Variants in SGCD observed in about 807,000 individuals in gnomAD.
The protein encoded by SGCD is sarcoglycan delta, also known as delta-sarcoglycan.
SGCD carries 18 observed loss-of-function variants against 36.6 expected under a neutral mutation model. That is an observed-to-expected ratio of 0.49 (90% confidence interval 0.34 to 0.73). SGCD has a LOEUF of 0.73. SGCD is among the 30% of genes least tolerant of loss of function. SGCD has a pLI of 0.01. For missense variants in SGCD, 387 were observed against 346.7 expected, an observed-to-expected ratio of 1.12 and a Z score of -0.92; for synonymous variants, 133 against 130.6, an observed-to-expected ratio of 1.02 and a Z score of -0.12.
intron 4 of SGCD, among the ~76,000 whole-genome samples, chr5:156,583,225 C>T (rs1760355120): frequency 6.6e-6 from 1 of 152,152 alleles, no homozygotes; most frequent in Admixed American, 6.5e-5. Context: ...AGGCATTTCA[C>T]ACTTAACATT....
chr5:156,724,975 TTC>T (rs1755700031), intron 7 of SGCD, among the ~76,000 whole-genome samples: 1 of 152,254 alleles, frequency 6.6e-6, no homozygotes, highest in Non-Finnish European at 1.5e-5. Context: ...ATGCTCATTT[TTC>T]TGAGGTTTCA....
chr5:156,664,028 G>C (rs1764042093), intron 7 of SGCD, among the ~76,000 whole-genome samples: 1 of 59,554 alleles, frequency 1.7e-5, no homozygotes, highest in Non-Finnish European at 3.1e-5. Flanking sequence ...TTACATCTTG[G>C]ACATAAGTCA....
chr5:156,127,955 C>T (rs1176574941), intron 3 of SGCD, among the ~76,000 whole-genome samples: 1 of 140,802 alleles, frequency 7.1e-6, no homozygotes, highest in Non-Finnish European at 1.5e-5. Context: ...TTAGAAAGGA[C>T]ACAAATGCAC....
At chr5:156,048,048 T>C (rs1029904604) in intron 1 of SGCD, among the ~76,000 whole-genome samples, 1 of 152,088 alleles carries the variant, frequency 6.6e-6, no homozygotes, top group Non-Finnish European at 1.5e-5. Context: ...GTTCAATTCC[T>C]ACCTATGAGT....
At chr5:156,629,377 A>G (rs180889214) in intron 6 of SGCD, among the ~76,000 whole-genome samples, 34 of 152,340 alleles carry the variant, frequency 2.2e-4, no homozygotes, top group African/African-American at 7.9e-4. Flanking sequence ...CATGCTTTGG[A>G]AGAATATTTT....
At chr5:156,366,827 A>G (rs181698526) in intron 3 of SGCD, among the ~76,000 whole-genome samples, 8 of 152,354 alleles carry the variant, frequency 5.3e-5, no homozygotes, top group African/African-American at 1.9e-4. Flanking sequence ...TCTTGCAAAC[A>G]AAGTCATGCC....
chr5:156,754,650 GCTCTGCCATTTTA>G (rs1757271862), intron 7 of SGCD, among the ~76,000 whole-genome samples: 1 of 152,136 alleles, frequency 6.6e-6, no homozygotes. Flanking sequence ...TCAAATCTTG[GCTCTGCCATTTTA>G]CTAGGAGTAT....
At chr5:156,461,045 A>G (rs1754463492) in intron 3 of SGCD, among the ~76,000 whole-genome samples, 1 of 152,188 alleles carries the variant, frequency 6.6e-6, no homozygotes, top group South Asian at 2.1e-4. Flanking sequence ...GTTCCAGGGC[A>G]TACTTTAGAA....
At chr5:156,099,135 A>G (rs1239628171) in intron 1 of SGCD, among the ~76,000 whole-genome samples, 1 of 152,166 alleles carries the variant, frequency 6.6e-6, no homozygotes, top group Non-Finnish European at 1.5e-5. Context: ...TCTGGTTGCT[A>G]TGCTGTTCCT....
chr5:155,838,531 T>G, the SGCD span, among the ~76,000 whole-genome samples: 8 of 152,124 alleles, frequency 5.3e-5, no homozygotes, highest in African/African-American at 1.9e-4. Context: ...TAGGTTAGAG[T>G]AGCAATTCTC....
chr5:156,694,017 CTT>C (rs1335124294), intron 7 of SGCD, among the ~76,000 whole-genome samples: 2 of 152,130 alleles, frequency 1.3e-5, no homozygotes, highest in Non-Finnish European at 2.9e-5. Flanking sequence ...CTTGCAATGA[CTT>C]GTGATGTATT....
At chr5:156,127,710 A>G (rs1184694353) in intron 3 of SGCD, among the ~76,000 whole-genome samples, 1 of 152,034 alleles carries the variant, frequency 6.6e-6, no homozygotes, top group African/African-American at 2.4e-5. Context: ...GCACCACATT[A>G]CTTCAAAAGA....
At chr5:156,727,191 T>A (rs757074462) in intron 7 of SGCD, among the ~76,000 whole-genome samples, 26 of 151,930 alleles carry the variant, frequency 1.7e-4, no homozygotes, top group Non-Finnish European at 2.9e-4. Flanking sequence ...AGAAAATAAC[T>A]AAGAGGAAGC....
chr5:156,737,208 T>TAAAA (rs1756419418), intron 7 of SGCD, among the ~76,000 whole-genome samples: 1 of 152,208 alleles, frequency 6.6e-6, no homozygotes, highest in South Asian at 2.1e-4. Context: ...CCCAGAGCCC[T>TAAAA]AAAACTCAGT....
intron 3 of SGCD, among the ~76,000 whole-genome samples, chr5:156,153,116 C>T (rs926944255): frequency 4.6e-5 from 7 of 151,652 alleles, no homozygotes; most frequent in Non-Finnish European, 7.4e-5. Context: ...CTTGTTCAAA[C>T]GTTTCAAACC....
chr5:156,385,564 G>C (rs35129841), intron 3 of SGCD, among the ~76,000 whole-genome samples: 1 of 152,204 alleles, frequency 6.6e-6, no homozygotes, highest in African/African-American at 2.4e-5. Flanking sequence ...GTTTGGACAA[G>C]TGATACAGAA....
chr5:156,187,868 A>C (rs1763800621), intron 3 of SGCD, among the ~76,000 whole-genome samples: 1 of 152,204 alleles, frequency 6.6e-6, no homozygotes, highest in South Asian at 2.1e-4. Context: ...CTGACAAAGA[A>C]GCTCATTAGA....
At chr5:155,900,347 TA>T (rs2113336125) in intron 1 of SGCD, among the ~76,000 whole-genome samples, 2 of 152,138 alleles carry the variant, frequency 1.3e-5, no homozygotes, top group South Asian at 4.2e-4. Context: ...CAACACAAAT[TA>T]AAAACAATAG....
At chr5:156,347,438 A>G (rs115928862) in intron 3 of SGCD, among the ~76,000 whole-genome samples, 2,682 of 152,322 alleles carry the variant, frequency 0.018, 35 homozygotes, top group African/African-American at 0.03. Flanking sequence ...CATTTAAAAG[A>G]TGGAATTGAT....
Sources: gnomAD v4.1 joint callset for allele counts (sites outside exome capture counted in the v4.1 genomes callset) on GRCh38, gnomAD v4.1.1 for gene constraint, MANE v1.5 for transcripts, NCBI Gene and HGNC (gene_info 2026-07-23, HGNC 2026-07-21) for gene names.